The following TRAPPC12 variants were observed in gnomAD, a reference collection of about 807,000 sequenced individuals.
TRAPPC12 encodes the protein TPR repeat protein 15.
A neutral mutation model predicts 69.2 loss-of-function variants in TRAPPC12; 61 were observed. The observed-to-expected ratio is 0.88, with a 90% CI of 0.72 to 1.09. The LOEUF is 1.09. Ranked by LOEUF, TRAPPC12 falls within the 50% of genes least tolerant of loss-of-function variation. The pLI is 0.00. For synonymous variants in TRAPPC12, 469 were observed against 438.9 expected (o/e 1.07, Z -0.86); for missense variants, 1,101 against 1,016.4 (o/e 1.08, Z -1.13).
At chr2:3,475,873 T>A (rs1666270601) in intron 9 of TRAPPC12, among the ~76,000 whole-genome samples, 1 of 152,248 alleles carries the variant, frequency 6.6e-6, no homozygotes, top group Non-Finnish European at 1.5e-5. Flanking sequence ...AGGCGAGCTG[T>A]GCTTGTAAGC....
intron 5 of TRAPPC12, among the ~76,000 whole-genome samples, chr2:3,430,423 G>A (rs980451647): frequency 6.6e-6 from 1 of 152,212 alleles, no homozygotes; most frequent in South Asian, 2.1e-4. Flanking sequence ...CGCAACTGAC[G>A]TCTTTCTGAT....
At chr2:3,400,271 T>C (rs1661365592) in intron 2 of TRAPPC12, among the ~76,000 whole-genome samples, 1 of 150,880 alleles carries the variant, frequency 6.6e-6, no homozygotes, top group South Asian at 2.1e-4. Context: ...CACTGCTTCC[T>C]CCTCCCAGGA....
intron 5 of TRAPPC12, among the ~76,000 whole-genome samples, chr2:3,438,231 C>A (rs140679081): frequency 0.017 from 1,183 of 68,978 alleles, 49 homozygotes; most frequent in African/African-American, 0.068. Flanking sequence ...CCCCTGGATT[C>A]ATCCCCCCAT....
chr2:3,412,201 G>A (rs932852677), intron 3 of TRAPPC12, among the ~76,000 whole-genome samples: 1 of 152,162 alleles, frequency 6.6e-6, no homozygotes, highest in Non-Finnish European at 1.5e-5. Flanking sequence ...CTGCCCCAAG[G>A]AGCTAAAGGA....
Position 3,465,625 on chromosome 2 carries a change from A to AC in TRAPPC12, c.1706_1707insC (p.Ser570PhefsTer31), listed in dbSNP as rs1181985251. The AC allele has an allele frequency of 6.2e-7, 1 of 1,614,164 alleles. No individual in the cohort carries two copies. Among genetic ancestry groups the AC allele is most frequent in the Non-Finnish European group, 8.5e-7 (1 of 1,180,012 alleles). On this transcript the variant is annotated frameshift_variant, in exon 9 of 12. Coordinates refer to ENST00000324266, the MANE Select transcript of TRAPPC12 (RefSeq NM_016030.6). LOFTEE classifies it high-confidence loss of function. ...TATGTGCTGGCCGTGGAGGCGTATC[A>AC]TTCGGTTATCAAGTATTACCCAGAG... is the stretch of plus-strand genomic sequence containing the variant.
chr2:3,385,501 C>T lies in TRAPPC12; in HGVS notation c.-4-2119C>T, dbSNP rs949871521. Among the ~76,000 whole-genome samples the T allele has an allele frequency of 1.1e-4, 17 of 151,934 alleles. No individual in the cohort carries two copies. In the East Asian group the frequency reaches 1.2e-3, roughly 10 times the overall value. On this transcript the variant is annotated intron_variant, in intron 1 of 11. Coordinates refer to ENST00000324266, the MANE Select transcript of TRAPPC12 (RefSeq NM_016030.6). ...TTATTATTTTGGTGGTTTTTCTAGG[C>T]GATGTTTTTTGTTATTATATCTCTG...
chr2:3,465,415 C>A (rs528347415), intron 8 of TRAPPC12, among the ~76,000 whole-genome samples, 182 bp from the exon 9 acceptor site: 8 of 152,178 alleles, frequency 5.3e-5, no homozygotes, highest in Admixed American at 1.3e-4. Flanking sequence ...CGACTGCAGT[C>A]GGGAGAGCAG....
intron 5 of TRAPPC12, among the ~76,000 whole-genome samples, chr2:3,438,393 C>A (rs569463466): frequency 6.9e-6 from 1 of 145,306 alleles, no homozygotes; most frequent in Admixed American, 6.8e-5. Flanking sequence ...CCCCCATCAC[C>A]CCTGGATTAA....
chr2:3,458,404 C>G, intron 7 of TRAPPC12: 1 of 985,984 alleles, frequency 1.0e-6, no homozygotes, highest in Non-Finnish European at 1.2e-6. Flanking sequence ...CTTCCCACAG[C>G]TTCTGTCCTA....
rs747620049 is a variant in TRAPPC12 at position 3,387,796 on chromosome 2, T to C, written c.173T>C (p.Leu58Pro). 3 of 1,613,500 alleles carry C rather than the reference T, an allele frequency of 1.9e-6. No individual in the cohort carries two copies. In the East Asian group the frequency reaches 6.7e-5, roughly 36 times the overall value. Reference protein sequence around the residue: ...NETASEGSSPLADKLNEHMME... With the variant: ...NETASEGSSPPADKLNEHMME... ...ACCGCATCGGAAGGCTCGAGTCCTCTCGCGGACAAGCTGAACGAACACATG... is the reference window on the plus strand; with the variant it reads ...ACCGCATCGGAAGGCTCGAGTCCTCCCGCGGACAAGCTGAACGAACACATG... Residue 58 changes from leucine to proline, a missense_variant, in exon 2 of 12, where the codon CTC (leucine) becomes CCC (proline). Leu to Pro is a moderately conservative substitution (Grantham distance 98). Transcript: ENST00000324266.
intron 9 of TRAPPC12, among the ~76,000 whole-genome samples, chr2:3,469,028 C>T (rs1252044649): frequency 6.6e-6 from 1 of 152,148 alleles, no homozygotes. Flanking sequence ...ATGGAATGAA[C>T]ACGTAAAAGC....
intron 9 of TRAPPC12, among the ~76,000 whole-genome samples, chr2:3,470,200 G>A (rs1339841436): frequency 3.9e-5 from 6 of 152,360 alleles, no homozygotes; most frequent in Admixed American, 6.5e-5. Flanking sequence ...TGCAAGAACT[G>A]TGGTTTTCCG....
chr2:3,479,422 G>T lies in TRAPPC12; in HGVS notation c.2169G>T (p.Glu723Asp), dbSNP rs770652153. ...QALLEAVAGK[E>D]GDSFNTQCLK... is the part of the protein sequence containing the mutation. The stretch of plus-strand genomic sequence containing the variant: ...TGCTGGAGGCTGTCGCCGGCAAGGA[G>T]GGGGACAGCTTCAACACACAGTGCC... The change falls in exon 12 of 12, where the codon GAG becomes GAT. Residue 723 changes from glutamate (E) to aspartate (D), a missense_variant. Glu to Asp is a conservative substitution (Grantham distance 45). Transcript: ENST00000324266. 1 of 1,614,082 alleles carries T rather than the reference G, an allele frequency of 6.2e-7. No homozygotes were observed. Among genetic ancestry groups the T allele is most frequent in the Non-Finnish European group, 8.5e-7 (1 of 1,180,034 alleles).
chr2:3,459,346 G>A (rs1264784011), intron 7 of TRAPPC12, among the ~76,000 whole-genome samples: 2 of 152,234 alleles, frequency 1.3e-5, no homozygotes, highest in Non-Finnish European at 2.9e-5. Context: ...AGCGTCCCTG[G>A]CCTCTGTGGA....
chr2:3,385,498 A>G (rs1197400690), intron 1 of TRAPPC12, among the ~76,000 whole-genome samples: 1 of 152,110 alleles, frequency 6.6e-6, no homozygotes, highest in Non-Finnish European at 1.5e-5. Flanking sequence ...TGGTTTTTCT[A>G]GGCGATGTTT....
At chr2:3,398,137 C>A (rs749614191) in intron 2 of TRAPPC12, among the ~76,000 whole-genome samples, 12 of 152,180 alleles carry the variant, frequency 7.9e-5, no homozygotes, top group Non-Finnish European at 1.8e-4. Flanking sequence ...CTGTTTCTAC[C>A]TTTTGGCTGT....
chr2:3,388,702 T>G (rs1270210038), intron 2 of TRAPPC12, 32 bp downstream of exon 2: 8 of 1,499,622 alleles, frequency 5.3e-6, no homozygotes, highest in Non-Finnish European at 7.1e-6. Context: ...CCGCAGCCCG[T>G]GCCTCCTCTC....
At position 3,424,414 on chromosome 2, in the gene TRAPPC12, CTTATT is replaced by C; in HGVS notation, c.1279-107_1279-103del. ...GCAAAGATAGAAAGTTAGGTTAGCC[CTTATT>C]TTAATATATGAGAAATTAACCTCTA... is the stretch of plus-strand genomic sequence containing the variant. On this transcript the variant is annotated intron_variant, in intron 4 of 11. Transcript: ENST00000324266. 4.3e-6 allele frequency: 4 copies of C among 926,922 alleles called. No homozygotes were observed. The South Asian group carries it at 7.3e-5, about 17-fold the overall frequency. The allele number at this position is 926,922 out of a possible 1,614,324, so 57.4% of individuals were successfully genotyped here. A position where few individuals can be genotyped will look rare whatever the true frequency, so the allele number is the denominator to read the frequency against.
At chr2:3,423,020 A>T in intron 4 of TRAPPC12, among the ~76,000 whole-genome samples, 1 of 152,204 alleles carries the variant, frequency 6.6e-6, no homozygotes, top group Middle Eastern at 3.2e-3. Context: ...CAGGAAGATC[A>T]CTTGGGCCTG....
Sources: gnomAD v4.1 joint callset for allele counts (sites outside exome capture counted in the v4.1 genomes callset) on GRCh38, gnomAD v4.1.1 for gene constraint, MANE v1.5 for transcripts, NCBI Gene and HGNC (gene_info 2026-07-23, HGNC 2026-07-21) for gene names.